The following NDST3 variants were observed in gnomAD, a reference collection of about 807,000 sequenced individuals.
NDST3 encodes bifunctional heparan sulfate N-deacetylase/N-sulfotransferase 3.
In NDST3, 58 loss-of-function variants were observed where a neutral mutation model predicts 96.1. That is an observed-to-expected ratio of 0.60 (90% confidence interval 0.49 to 0.75). NDST3 has a LOEUF of 0.75. Among genes scored for constraint, NDST3 ranks in the 30% least tolerant of loss-of-function variants. The pLI, the probability that NDST3 is intolerant of heterozygous loss-of-function variation, is 0.00. For synonymous variants in NDST3, 333 were observed against 359.7 expected (o/e 0.93, Z 0.84); for missense variants, 788 against 1,034.2 (o/e 0.76, Z 3.27).
At chr4:118,166,689 G>C (rs1358415996) in intron 6 of NDST3, among the ~76,000 whole-genome samples, 2 of 151,812 alleles carry the variant, frequency 1.3e-5, no homozygotes, top group African/African-American at 4.8e-5. Flanking sequence ...ACATTAAAAG[G>C]TTATACACCA....
At chr4:118,133,734 G>A (rs1020002322) in intron 4 of NDST3, among the ~76,000 whole-genome samples, 5 of 152,096 alleles carry the variant, frequency 3.3e-5, no homozygotes, top group African/African-American at 1.2e-4. Context: ...TTCCCTGATA[G>A]TTACCATATG....
At chr4:118,039,372 G>T (rs1401696169) in intron 1 of NDST3, among the ~76,000 whole-genome samples, 1 of 152,156 alleles carries the variant, frequency 6.6e-6, no homozygotes, top group African/African-American at 2.4e-5. Context: ...CCTAGTTTGT[G>T]AGTGCCAGCT....
At chr4:118,090,238 A>T (rs1728756136) in intron 2 of NDST3, among the ~76,000 whole-genome samples, 1 of 151,958 alleles carries the variant, frequency 6.6e-6, no homozygotes, top group Admixed American at 6.6e-5. Context: ...TCTGCATTTG[A>T]TCCTACTTTT....
chr4:118,049,541 A>G (rs1724957965), intron 1 of NDST3, among the ~76,000 whole-genome samples: 11 of 151,920 alleles, frequency 7.2e-5, no homozygotes, highest in Admixed American at 7.2e-4. Context: ...GACAAAGATA[A>G]CATTACAACT....
intron 6 of NDST3, among the ~76,000 whole-genome samples, chr4:118,179,169 C>T (rs1163598811): frequency 6.6e-6 from 1 of 151,956 alleles, no homozygotes; most frequent in East Asian, 1.9e-4. Flanking sequence ...GGGGGAGACA[C>T]TATTTCTGTC....
chr4:118,171,656 A>T (rs1172288177), intron 6 of NDST3, among the ~76,000 whole-genome samples: 1 of 152,036 alleles, frequency 6.6e-6, no homozygotes, highest in African/African-American at 2.4e-5. Context: ...TTTGCATATG[A>T]GTGTATTTGC....
rs1725129142 is a variant in NDST3 at position 118,052,372 on chromosome 4, T to C, written c.-155-1384T>C. Among the ~76,000 whole-genome samples, 3 of 151,940 alleles carry C rather than the reference T, an allele frequency of 2.0e-5. No homozygotes were observed. In the South Asian group the frequency reaches 6.2e-4, roughly 32 times the overall value. On this transcript the variant is annotated intron_variant, in intron 1 of 13. Transcript: ENST00000296499. Reference sequence around the variant, plus strand: ...ATATACACAAGAACAATAGACACTGTGGACTATTAGAGGGAGGAAGAAGGA... The same window carrying C: ...ATATACACAAGAACAATAGACACTGCGGACTATTAGAGGGAGGAAGAAGGA...
chr4:118,038,315 A>C (rs1724262062), intron 1 of NDST3, among the ~76,000 whole-genome samples: 1 of 152,206 alleles, frequency 6.6e-6, no homozygotes, highest in African/African-American at 2.4e-5. Flanking sequence ...CTTCTCTTGC[A>C]TCACTGGATG....
intron 2 of NDST3, among the ~76,000 whole-genome samples, chr4:118,064,347 TA>T (rs1262030410): frequency 1.3e-5 from 2 of 152,126 alleles, no homozygotes; most frequent in African/African-American, 4.8e-5. Context: ...AATTAGTAGC[TA>T]AAGCACTTTT....
In NDST3 at chr4:118,238,219, GAAAGAAAA is replaced by G. The variant is rs1380997711; in HGVS notation, c.2118+1001_2118+1008del. On this transcript the variant is annotated intron_variant, in intron 10 of 13. Coordinates refer to ENST00000296499, the MANE Select transcript of NDST3 (RefSeq NM_004784.3). ...AGAAAGAAAGAAAGAAAGAAAGAAA[GAAAGAAAA>G]AGAAAGAAGAAAAAAAGAAAGAAAA... Among the ~76,000 whole-genome samples, 1,130 of 125,828 alleles carry G rather than the reference GAAAGAAAA, an allele frequency of 9.0e-3. 7 individuals carry two copies. The highest frequency in any genetic ancestry group is 0.019 in the African/African-American group (592 of 30,858). The allele number at this position is 125,828 out of a possible 152,430, so 82.5% of individuals were successfully genotyped here. A position where few individuals can be genotyped will look rare whatever the true frequency, so the allele number is the denominator to read the frequency against.
chr4:118,102,904 T>C (rs573392176), intron 2 of NDST3, among the ~76,000 whole-genome samples: 1 of 152,138 alleles, frequency 6.6e-6, no homozygotes, highest in African/African-American at 2.4e-5. Flanking sequence ...GTATCTTTTA[T>C]GTGTTTAGTG....
At chr4:118,104,468 T>A (rs780649827) in intron 2 of NDST3, among the ~76,000 whole-genome samples, 1 of 152,158 alleles carries the variant, frequency 6.6e-6, no homozygotes, top group Non-Finnish European at 1.5e-5. Flanking sequence ...TTATCAGAAG[T>A]AGGATATTTT....
At chr4:118,106,519 T>C (rs1730195274) in intron 3 of NDST3, among the ~76,000 whole-genome samples, 1 of 151,986 alleles carries the variant, frequency 6.6e-6, no homozygotes. Flanking sequence ...CAAATTTTTC[T>C]TGTAGAGAAG....
At chr4:118,178,798 C>G (rs764727270) in intron 6 of NDST3, among the ~76,000 whole-genome samples, 1 of 152,010 alleles carries the variant, frequency 6.6e-6, no homozygotes, top group Non-Finnish European at 1.5e-5. Flanking sequence ...ACATTCCCAC[C>G]ATCAGTGCAC....
chr4:118,130,957 G>T (rs1732559850), intron 4 of NDST3, among the ~76,000 whole-genome samples: 1 of 152,160 alleles, frequency 6.6e-6, no homozygotes, highest in South Asian at 2.1e-4. Context: ...GAGGTCCATT[G>T]AATGTTATTT....
chr4:118,202,004 G>A (rs904303008), intron 6 of NDST3, among the ~76,000 whole-genome samples: 2 of 152,058 alleles, frequency 1.3e-5, no homozygotes, highest in South Asian at 4.1e-4. Context: ...TTCTGCATAC[G>A]GCTAACTAGT....
In NDST3 at chr4:118,204,347, T is replaced by C. The variant is rs1738302582; in HGVS notation, c.1540-20144T>C. 1.4e-5 allele frequency among the ~76,000 whole-genome samples: 2 copies of C among 145,422 alleles called. 1 individual carries two copies. Among genetic ancestry groups the C allele is most frequent in the Non-Finnish European group, 3.1e-5 (2 of 65,550 alleles). ...TCACAGAGTTTAACTGAGCAAAGAA[T>C]GATCTGTGAATCTGGCATCTGGCAG... On this transcript the variant is annotated intron_variant, in intron 6 of 13. Coordinates refer to ENST00000296499, the MANE Select transcript of NDST3 (RefSeq NM_004784.3).
intron 6 of NDST3, among the ~76,000 whole-genome samples, chr4:118,195,591 T>C (rs1021443802): frequency 6.6e-6 from 1 of 152,220 alleles, no homozygotes; most frequent in African/African-American, 2.4e-5. Flanking sequence ...ACTAATATGC[T>C]ACATATCTAA....
chr4:118,224,155 T>G (rs1739720676), intron 6 of NDST3, among the ~76,000 whole-genome samples: 3 of 152,054 alleles, frequency 2.0e-5, no homozygotes, highest in African/African-American at 7.2e-5. Context: ...CTAAGGAATG[T>G]GAAAAAGGGC....
Sources: gnomAD v4.1 joint callset for allele counts (sites outside exome capture counted in the v4.1 genomes callset) on GRCh38, gnomAD v4.1.1 for gene constraint, MANE v1.5 for transcripts, NCBI Gene and HGNC (gene_info 2026-07-23, HGNC 2026-07-21) for gene names.